The following KCNQ5 variants were observed in gnomAD, a reference collection of about 807,000 sequenced individuals.
The protein encoded by KCNQ5 is potassium voltage-gated channel subfamily Q member 5, also known as potassium voltage-gated channel subfamily KQT member 5.
Under a neutral mutation model 98.2 loss-of-function variants are expected in KCNQ5, and 30 were observed. The observed-to-expected ratio is 0.31, with a 90% CI of 0.23 to 0.41. The LOEUF (loss-of-function observed/expected upper bound fraction) is 0.41, where lower values mean the gene tolerates loss of function less well. Ranked by LOEUF, KCNQ5 falls within the 10% of genes least tolerant of loss-of-function variation. The pLI, the probability that KCNQ5 is intolerant of heterozygous loss-of-function variation, is 1.00. For missense variants in KCNQ5, 835 were observed against 1,182.5 expected (o/e 0.71, Z 4.31); for synonymous variants, 458 against 449.4 (o/e 1.02, Z -0.24).
intron 1 of KCNQ5, among the ~76,000 whole-genome samples, chr6:72,942,389 A>G (rs1766352071): frequency 6.6e-6 from 1 of 152,210 alleles, no homozygotes; most frequent in Non-Finnish European, 1.5e-5. Flanking sequence ...CGAGAATTGT[A>G]TGATTACTCT....
chr6:72,845,922 A>T (rs1776999022), intron 1 of KCNQ5, among the ~76,000 whole-genome samples: 1 of 152,108 alleles, frequency 6.6e-6, no homozygotes, highest in Non-Finnish European at 1.5e-5. Context: ...GCATGCATTT[A>T]CTCACTGAAT....
chr6:72,968,461 A>G (rs189628507), intron 1 of KCNQ5, among the ~76,000 whole-genome samples: 23 of 152,228 alleles, frequency 1.5e-4, no homozygotes, highest in Non-Finnish European at 1.3e-4. Context: ...GAAAAAAAAA[A>G]CAGAACATGT....
chr6:72,726,274 G>A (rs1194273475), intron 1 of KCNQ5, among the ~76,000 whole-genome samples: 1 of 148,658 alleles, frequency 6.7e-6, no homozygotes, highest in South Asian at 2.1e-4. Context: ...GCAGTGGCGC[G>A]ATCTCGGCTC....
At chr6:73,116,665 G>C (rs569375792) in intron 7 of KCNQ5, among the ~76,000 whole-genome samples, 31 of 152,222 alleles carry the variant, frequency 2.0e-4, no homozygotes, top group Admixed American at 5.9e-4. Flanking sequence ...GATAGAGTAT[G>C]ACCCTGTCTC....
intron 1 of KCNQ5, among the ~76,000 whole-genome samples, chr6:72,707,314 T>C (rs17796704): frequency 0.1 from 15,813 of 152,292 alleles, 1,035 homozygotes; most frequent in South Asian, 0.18. Flanking sequence ...GCATAATTAA[T>C]ATAAATCAGT....
intron 1 of KCNQ5, among the ~76,000 whole-genome samples, chr6:72,856,471 T>TAAAC (rs143831566): frequency 6.7e-6 from 1 of 148,912 alleles, no homozygotes; most frequent in African/African-American, 2.5e-5. Context: ...CACACATATA[T>TAAAC]ACACACACAC....
chr6:73,141,902 G>A (rs1206276060), intron 10 of KCNQ5, among the ~76,000 whole-genome samples: 2 of 152,202 alleles, frequency 1.3e-5, no homozygotes, highest in Non-Finnish European at 2.9e-5. Context: ...TAATCTCACA[G>A]TTTCTATGGT....
At position 72,969,202 on chromosome 6, in the gene KCNQ5, AC is replaced by A. The variant is rs1183571707; in HGVS notation, c.399-34703del. On this transcript the variant is annotated intron_variant, in intron 1 of 13. Transcript: ENST00000370398. ...AAATTTGAAAGTAATTGAACTGATA[AC>A]CCTTTAGACAAAGGAGATGTGTTAT... Among the ~76,000 whole-genome samples the A allele has an allele frequency of 9.2e-5, 14 of 152,208 alleles. No homozygotes were observed. In the East Asian group the frequency reaches 2.3e-3, roughly 25 times the overall value.
At chr6:72,762,474 C>G (rs1772340066) in intron 1 of KCNQ5, among the ~76,000 whole-genome samples, 1 of 151,926 alleles carries the variant, frequency 6.6e-6, no homozygotes, top group South Asian at 2.1e-4. Flanking sequence ...TGATCGAAGA[C>G]AGCAGAGTTA....
chr6:72,861,104 T>A (rs1351005715), intron 1 of KCNQ5, among the ~76,000 whole-genome samples: 1 of 82,594 alleles, frequency 1.2e-5, no homozygotes, highest in Non-Finnish European at 2.8e-5. Context: ...CCCAGACTGA[T>A]AGGATTAGAA....
chr6:73,170,087 T>C (rs1403135283), intron 11 of KCNQ5, among the ~76,000 whole-genome samples: 1 of 148,720 alleles, frequency 6.7e-6, no homozygotes, highest in Non-Finnish European at 1.5e-5. Context: ...CAGGTCATAT[T>C]AGAGAGATTA....
At chr6:72,941,599 CTTAA>C (rs1353421565) in intron 1 of KCNQ5, among the ~76,000 whole-genome samples, 148 of 54,990 alleles carry the variant, frequency 2.7e-3, no homozygotes, top group Non-Finnish European at 6.0e-3. Context: ...TCCTTCCTCC[CTTAA>C]TTCCTTCCTT....
intron 9 of KCNQ5, among the ~76,000 whole-genome samples, chr6:73,125,839 TACCAAA>T (rs371457448): frequency 2.0e-3 from 2 of 1,016 alleles, no homozygotes; most frequent in East Asian, 0.026. Flanking sequence ...TAGCTCTAAC[TACCAAA>T]TAAGCCAAGG....
At chr6:72,864,424 G>T in intron 1 of KCNQ5, among the ~76,000 whole-genome samples, 1 of 152,268 alleles carries the variant, frequency 6.6e-6, no homozygotes. Flanking sequence ...TTGCCCAGAA[G>T]CAATGTTTGT....
At chr6:73,169,600 T>C (rs1777929668) in intron 10 of KCNQ5, 146 bp from the exon 11 acceptor site, 1 of 622,224 alleles carries the variant, frequency 1.6e-6, no homozygotes. Flanking sequence ...AGAATAATAT[T>C]GGCAAGACAA....
At chr6:72,733,555 G>C (rs1449250694) in intron 1 of KCNQ5, among the ~76,000 whole-genome samples, 2 of 152,214 alleles carry the variant, frequency 1.3e-5, no homozygotes, top group African/African-American at 2.4e-5. Context: ...TCATGAGCAA[G>C]TTTAAAGCCA....
intron 1 of KCNQ5, among the ~76,000 whole-genome samples, chr6:72,970,745 G>A (rs1354808050): frequency 6.6e-6 from 1 of 152,132 alleles, no homozygotes; most frequent in Non-Finnish European, 1.5e-5. Flanking sequence ...ACAAGAAATG[G>A]GGAAAGGATT....
chr6:73,110,420 G>C (rs1378445347), intron 6 of KCNQ5, among the ~76,000 whole-genome samples: 1 of 152,146 alleles, frequency 6.6e-6, no homozygotes, highest in East Asian at 1.9e-4. Flanking sequence ...TGAAAAGAGT[G>C]GGGGACATCA....
At chr6:73,106,963 G>A (rs368371341) in intron 6 of KCNQ5, among the ~76,000 whole-genome samples, 2,599 of 37,914 alleles carry the variant, frequency 0.069, 75 homozygotes, top group African/African-American at 0.2. Context: ...ATGAAATCCA[G>A]GAGAATTAAA....
Sources: gnomAD v4.1 joint callset for allele counts (sites outside exome capture counted in the v4.1 genomes callset) on GRCh38, gnomAD v4.1.1 for gene constraint, MANE v1.5 for transcripts, NCBI Gene and HGNC (gene_info 2026-07-23, HGNC 2026-07-21) for gene names.